Variants in SAMD5 observed in about 807,000 individuals in gnomAD.
SAMD5 encodes the protein sterile alpha motif domain-containing protein 5.
Under a neutral mutation model 11.3 loss-of-function variants are expected in SAMD5, and 13 were observed. That is an observed-to-expected ratio of 1.15 (90% confidence interval 0.75 to 1.83). The LOEUF (loss-of-function observed/expected upper bound fraction) is 1.83, where lower values mean the gene tolerates loss of function less well. Among genes scored for constraint, SAMD5 ranks in the 40% most tolerant of loss-of-function variants. The pLI, the probability that SAMD5 is intolerant of heterozygous loss-of-function variation, is 0.00. For missense variants in SAMD5, 255 were observed against 239.1 expected (o/e 1.07, Z -0.44); for synonymous variants, 129 against 111.3 (o/e 1.16, Z -1.00).
At chr6:147,601,217 A>G (rs1211089882) in intron 1 of SAMD5, among the ~76,000 whole-genome samples, 1 of 152,218 alleles carries the variant, frequency 6.6e-6, no homozygotes, top group Non-Finnish European at 1.5e-5. Flanking sequence ...ACTTGGCAGC[A>G]GTTCATTAGG....
the SAMD5 span, among the ~76,000 whole-genome samples, chr6:147,920,285 A>T: frequency 6.6e-6 from 1 of 152,306 alleles, no homozygotes; most frequent in South Asian, 2.1e-4. Context: ...TCTGGACTTC[A>T]TCTTTTTCCC....
chr6:147,918,282 C>T, the SAMD5 span, among the ~76,000 whole-genome samples: 7 of 152,104 alleles, frequency 4.6e-5, no homozygotes, highest in Non-Finnish European at 1.0e-4. Flanking sequence ...CCTTCACATC[C>T]CTTGTAAGCT....
chr6:147,528,280 G>A (rs1374363663), intron 1 of SAMD5, among the ~76,000 whole-genome samples: 1 of 152,124 alleles, frequency 6.6e-6, no homozygotes, highest in East Asian at 1.9e-4. Context: ...CAGACTGAGT[G>A]GCTTCAACAA....
At chr6:147,927,380 T>A in the SAMD5 span, among the ~76,000 whole-genome samples, 2 of 152,218 alleles carry the variant, frequency 1.3e-5, no homozygotes, top group East Asian at 3.8e-4. Flanking sequence ...ATCTTTCACT[T>A]CTCTGGTTAG....
chr6:147,724,289 G>T (rs1791595895), intron 1 of SAMD5, among the ~76,000 whole-genome samples: 1 of 152,018 alleles, frequency 6.6e-6, no homozygotes, highest in African/African-American at 2.4e-5. Context: ...CACCACACCT[G>T]GCTAGAAAAA....
At chr6:147,783,163 C>A in the SAMD5 span, among the ~76,000 whole-genome samples, 2 of 151,880 alleles carry the variant, frequency 1.3e-5, no homozygotes, top group African/African-American at 4.8e-5. Context: ...TTTTGTGTGA[C>A]CTAAATATTA....
At chr6:147,916,006 GT>G in the SAMD5 span, among the ~76,000 whole-genome samples, 91 of 150,402 alleles carry the variant, frequency 6.1e-4, no homozygotes, top group African/African-American at 2.0e-3. Context: ...GCGGTGTTTG[GT>G]TTTTTTGTCC....
chr6:147,598,532 G>A (rs758733161), intron 1 of SAMD5, among the ~76,000 whole-genome samples: 28 of 152,254 alleles, frequency 1.8e-4, no homozygotes, highest in East Asian at 7.7e-4. Flanking sequence ...CCCTGGGTTC[G>A]AGGCATTCAT....
chr6:147,654,797 A>C (rs1188482406), intron 1 of SAMD5, among the ~76,000 whole-genome samples: 4 of 151,984 alleles, frequency 2.6e-5, no homozygotes, highest in African/African-American at 9.7e-5. Context: ...AAAAAATATA[A>C]AACAAAGTGC....
At chr6:147,554,752 C>G (rs1256750389) in intron 1 of SAMD5, among the ~76,000 whole-genome samples, 1 of 152,120 alleles carries the variant, frequency 6.6e-6, no homozygotes. Flanking sequence ...ATGGAGCTAT[C>G]ATTTGAATGG....
At chr6:147,575,546 T>C (rs1051119745) in intron 1 of SAMD5, among the ~76,000 whole-genome samples, 1 of 152,272 alleles carries the variant, frequency 6.6e-6, no homozygotes, top group Non-Finnish European at 1.5e-5. Context: ...TTTTCAACTC[T>C]GGTTTCATAC....
At chr6:147,517,405 C>T (rs1788187528) in intron 1 of SAMD5, among the ~76,000 whole-genome samples, 1 of 152,126 alleles carries the variant, frequency 6.6e-6, no homozygotes, top group East Asian at 1.9e-4. Context: ...CCTGGGTTTG[C>T]TTGGACATCT....
the SAMD5 span, among the ~76,000 whole-genome samples, chr6:147,751,080 C>A: frequency 7.9e-5 from 12 of 152,284 alleles, no homozygotes; most frequent in East Asian, 2.3e-3. Flanking sequence ...CGACACATCT[C>A]CTTTCTGCTC....
the SAMD5 span, among the ~76,000 whole-genome samples, chr6:147,935,825 C>T: frequency 6.6e-6 from 1 of 152,112 alleles, no homozygotes; most frequent in Non-Finnish European, 1.5e-5. Context: ...AGAGTCACAC[C>T]CTGTGCAATT....
chr6:147,685,780 C>T (rs918134966), intron 1 of SAMD5, among the ~76,000 whole-genome samples: 3 of 152,012 alleles, frequency 2.0e-5, no homozygotes, highest in African/African-American at 7.3e-5. Context: ...GGGTTTATCA[C>T]TGGGATACAA....
chr6:147,917,523 T>G, the SAMD5 span, among the ~76,000 whole-genome samples: 2 of 152,158 alleles, frequency 1.3e-5, no homozygotes, highest in Non-Finnish European at 2.9e-5. Flanking sequence ...TTCACTCTGA[T>G]GGTAGTTTCT....
intron 1 of SAMD5, among the ~76,000 whole-genome samples, chr6:147,716,836 T>C (rs1791476025): frequency 6.6e-6 from 1 of 152,220 alleles, no homozygotes; most frequent in Non-Finnish European, 1.5e-5. Context: ...TTCTGAGTTT[T>C]CAAGGAAAAA....
At chr6:147,526,387 C>T (rs480456) in intron 1 of SAMD5, among the ~76,000 whole-genome samples, 60,505 of 152,144 alleles carry the variant, frequency 0.4, 13,442 homozygotes, top group African/African-American at 0.61. Flanking sequence ...ATGGAAATTA[C>T]AGTCTGGAGA....
chr6:147,609,185 T>G (rs567112673), intron 1 of SAMD5, among the ~76,000 whole-genome samples: 1 of 152,204 alleles, frequency 6.6e-6, no homozygotes, highest in South Asian at 2.1e-4. Flanking sequence ...AATGAGATAA[T>G]CAAGTTAAAA....
Sources: allele counts gnomAD v4.1 joint callset (sites outside exome capture counted in the v4.1 genomes callset), GRCh38; gene constraint gnomAD v4.1.1; transcripts MANE v1.5; gene names NCBI Gene and HGNC (gene_info 2026-07-23, HGNC 2026-07-21).